Variants in TRAK1 observed in about 807,000 individuals in gnomAD.
TRAK1 encodes the protein trafficking kinesin-binding protein 1.
In TRAK1, 33 loss-of-function variants were observed where a neutral mutation model predicts 92.1. The observed-to-expected ratio is 0.36, with a 90% CI of 0.27 to 0.48. The LOEUF (loss-of-function observed/expected upper bound fraction) is 0.48. Among genes scored for constraint, TRAK1 ranks in the 20% least tolerant of loss-of-function variants. The pLI, the probability that TRAK1 is intolerant of heterozygous loss-of-function variation, is 0.99. For missense variants in TRAK1, 1,123 were observed against 1,257.9 expected (o/e 0.89, Z 1.62); for synonymous variants, 521 against 517.3 (o/e 1.01, Z -0.10).
chr3:42,202,948 G>T lies in TRAK1; in HGVS notation c.1744+196G>T. Reference sequence around the variant, plus strand: ...TCCGTCCCTCCCCTCTGGCTGGCAGGTGTGACAATGCACACATAGGCCATG... The same window carrying T: ...TCCGTCCCTCCCCTCTGGCTGGCAGTTGTGACAATGCACACATAGGCCATG... On this transcript the variant is annotated intron_variant, in intron 13 of 15. Transcript: ENST00000327628. The surrounding 1 kb of genome is among the most constrained non-coding windows in gnomAD (Gnocchi z 6.1). 1 of 1,400,932 alleles carries T rather than the reference G, an allele frequency of 7.1e-7. No individual in the cohort carries two copies. Among genetic ancestry groups the T allele is most frequent in the Non-Finnish European group, 9.3e-7 (1 of 1,077,158 alleles). 86.8% of individuals were successfully genotyped at this position (1,400,932 alleles called of 1,614,324 possible). A position where few individuals can be genotyped will look rare whatever the true frequency, so the allele number is the denominator to read the frequency against.
chr3:42,142,184 C>CT (rs1351265539), intron 2 of TRAK1, among the ~76,000 whole-genome samples: 7 of 152,138 alleles, frequency 4.6e-5, no homozygotes, highest in African/African-American at 1.2e-4. Flanking sequence ...CTGCAAAGAC[C>CT]TTTTTTCCAC....
In TRAK1 at chr3:42,104,858, GT is replaced by G. The variant is rs200576693; in HGVS notation, c.91+13300del. ...GCTGGACAGAGAATGACTTTGACGA[GT>G]TGAGAGAAGAGGGCTTCAGACGATC... is the stretch of plus-strand genomic sequence containing the variant. On this transcript the variant is annotated intron_variant, in intron 1 of 15. Coordinates refer to ENST00000327628, the MANE Select transcript of TRAK1 (RefSeq NM_001042646.3). Among the ~76,000 whole-genome samples the G allele has an allele frequency of 7.1e-3, 1,088 of 152,206 alleles. 53 individuals are homozygous for G. The East Asian group carries it at 0.13, about 18-fold the overall frequency.
chr3:42,035,927 C>G (rs1576142666), intron 1 of TRAK1, among the ~76,000 whole-genome samples: 1 of 152,366 alleles, frequency 6.6e-6, no homozygotes, highest in East Asian at 1.9e-4. Flanking sequence ...ACAGCCTGTT[C>G]TGGCAGCTCC....
chr3:42,208,124 G>T (rs1708543690), intron 13 of TRAK1, among the ~76,000 whole-genome samples: 1 of 152,074 alleles, frequency 6.6e-6, no homozygotes, highest in Non-Finnish European at 1.5e-5. Flanking sequence ...TGAGAGAACG[G>T]ATATGTGATA....
At chr3:42,115,429 C>G (rs1709047881) in intron 1 of TRAK1, among the ~76,000 whole-genome samples, 1 of 152,146 alleles carries the variant, frequency 6.6e-6, no homozygotes, top group South Asian at 2.1e-4. Context: ...CACCCTGTTT[C>G]CAAACACGGC....
At chr3:42,108,740 A>T (rs1707936924) in intron 1 of TRAK1, among the ~76,000 whole-genome samples, 1 of 152,134 alleles carries the variant, frequency 6.6e-6, no homozygotes, top group South Asian at 2.1e-4. Context: ...TCTACAATGC[A>T]AAAGACAGCA....
intron 1 of TRAK1, among the ~76,000 whole-genome samples, chr3:42,077,090 G>C (rs1410440687): frequency 2.0e-5 from 3 of 152,022 alleles, no homozygotes; most frequent in African/African-American, 7.3e-5. Context: ...TGTTCTTTTT[G>C]CTTATAATTG....
At chr3:42,210,693 AT>A (rs776889279) in intron 14 of TRAK1, 27 of 989,000 alleles carry the variant, frequency 2.7e-5, no homozygotes, top group Non-Finnish European at 3.2e-5. Flanking sequence ...TATATATGTC[AT>A]TTTCTTTTCA....
chr3:42,029,628 C>T (rs1559708815), intron 1 of TRAK1, among the ~76,000 whole-genome samples: 1 of 150,406 alleles, frequency 6.6e-6, no homozygotes, highest in Non-Finnish European at 1.5e-5. Context: ...TAGCTCACTG[C>T]AACCTCTGCC....
At chr3:42,111,399 CTT>C (rs137998949) in intron 1 of TRAK1, among the ~76,000 whole-genome samples, 244 of 145,356 alleles carry the variant, frequency 1.7e-3, no homozygotes, top group African/African-American at 3.9e-3. Flanking sequence ...TATGATAATC[CTT>C]TTTTTTTTTT....
chr3:42,048,594 TTGTC>T (rs1702855866), intron 1 of TRAK1, among the ~76,000 whole-genome samples: 7 of 151,546 alleles, frequency 4.6e-5, no homozygotes, highest in African/African-American at 1.7e-4. Flanking sequence ...GACAGTGTCT[TTGTC>T]TGTCACCTAG....
intron 1 of TRAK1, among the ~76,000 whole-genome samples, chr3:42,114,957 C>T (rs1376331469): frequency 6.6e-6 from 1 of 152,186 alleles, no homozygotes; most frequent in African/African-American, 2.4e-5. Flanking sequence ...TAGTGATCTG[C>T]CCGCCTCCGC....
At position 42,047,200 on chromosome 3, in the gene TRAK1, CTTTTTT is replaced by C. The variant is rs561224807; in HGVS notation, c.-519+33103_-519+33108del. Among the ~76,000 whole-genome samples the C allele has an allele frequency of 3.4e-3, 369 of 107,138 alleles. 1 individual carries two copies. Among genetic ancestry groups the C allele is most frequent in the Middle Eastern group, 0.012 (2 of 172 alleles). The allele number at this position is 107,138 out of a possible 152,430, so 70.3% of individuals were successfully genotyped here. A position where few individuals can be genotyped will look rare whatever the true frequency, so the allele number is the denominator to read the frequency against. Reference sequence around the variant, plus strand: ...TATAAATACTCTCACAAAAACTGATCTTTTTTTTTTTTTTTTTTTTTTTTTAAATCT... The same window carrying C: ...TATAAATACTCTCACAAAAACTGATCTTTTTTTTTTTTTTTTTTTAAATCT... On this transcript the variant is annotated intron_variant, in intron 1 of 16. Coordinates refer to the TRAK1 transcript ENST00000487159.
chr3:42,160,621 G>T (rs558253292), intron 2 of TRAK1: 1 of 886,822 alleles, frequency 1.1e-6, no homozygotes, highest in Admixed American at 3.0e-5. Context: ...ATGGCTTAAA[G>T]GTGTCCTTGT....
intron 10 of TRAK1, among the ~76,000 whole-genome samples, chr3:42,195,671 A>AAAGTCAGG (rs1198244218): frequency 1.3e-5 from 2 of 151,712 alleles, no homozygotes; most frequent in Non-Finnish European, 2.9e-5. Flanking sequence ...CCCATGCATC[A>AAAGTCAGG]AAGTCAGGAA....
At chr3:42,161,964 T>A (rs1701326552) in intron 2 of TRAK1, among the ~76,000 whole-genome samples, 1 of 152,208 alleles carries the variant, frequency 6.6e-6, no homozygotes, top group African/African-American at 2.4e-5. Flanking sequence ...TAATCTCTGC[T>A]GCTTCAAGTG....
chr3:42,085,500 C>G (rs945629703), upstream of TRAK1, among the ~76,000 whole-genome samples: 2 of 152,186 alleles, frequency 1.3e-5, no homozygotes, highest in African/African-American at 4.8e-5. Context: ...CTTCTGTTCC[C>G]AAGCATTTCA....
At chr3:42,204,463 C>A (rs1024236286) in intron 13 of TRAK1, among the ~76,000 whole-genome samples, 10 of 152,120 alleles carry the variant, frequency 6.6e-5, no homozygotes, top group African/African-American at 2.4e-4. Context: ...GCTCTGCTAC[C>A]CAGGAGGCTA....
At chr3:42,125,800 G>T (rs1254015617) in intron 2 of TRAK1, among the ~76,000 whole-genome samples, 186 bp downstream of exon 2, 2 of 152,168 alleles carry the variant, frequency 1.3e-5, no homozygotes, top group East Asian at 3.9e-4. Flanking sequence ...GTTCTGAATA[G>T]AAATTTTAGA....
Sources: gnomAD v4.1 joint callset for allele counts (sites outside exome capture counted in the v4.1 genomes callset) on GRCh38, gnomAD v4.1.1 for gene constraint, Gnocchi (gnomAD v3.1) non-coding constraint, MANE v1.5 for transcripts, NCBI Gene and HGNC (gene_info 2026-07-23, HGNC 2026-07-21) for gene names.